RPL27: variants seen among roughly 807,000 people sequenced by gnomAD.
The protein encoded by RPL27 is large ribosomal subunit protein eL27.
For synonymous variants in RPL27, 77 were observed against 61.0 expected (o/e 1.26, Z -1.22); for missense variants, 131 against 174.3 (o/e 0.75, Z 1.40).
intron 3 of RPL27, among the ~76,000 whole-genome samples, chr17:43,001,575 G>A (rs1396731340): frequency 1.3e-5 from 2 of 151,052 alleles, no homozygotes; most frequent in African/African-American, 4.9e-5. Context: ...GAGCTGAGAT[G>A]GCACCACTGC....
Position 43,000,777 on chromosome 17 carries a change from G to A in RPL27, c.251+675G>A, listed in dbSNP as rs192285171. ...TGTTTTTTAAGAAGTACAAGAGGCC[G>A]GGCACAATGGCTCACGCCTGTAATC... On this transcript the variant is annotated intron_variant, in intron 3 of 4. Coordinates refer to ENST00000253788, the MANE Select transcript of RPL27 (RefSeq NM_000988.5). Among the ~76,000 whole-genome samples the A allele has an allele frequency of 4.6e-4, 70 of 150,784 alleles. No homozygotes were observed. The East Asian group carries it at 0.012, about 25-fold the overall frequency.
intron 3 of RPL27, among the ~76,000 whole-genome samples, chr17:43,000,604 ATT>A (rs545580676): frequency 7.0e-6 from 1 of 142,014 alleles, no homozygotes. Context: ...CACCTGGCTA[ATT>A]TTTTTTTTTT....
Position 43,002,886 on chromosome 17 carries a change from A to G in RPL27, c.377A>G (p.Lys126Arg), listed in dbSNP as rs762000722. The G allele has an allele frequency of 6.2e-7, 1 of 1,614,000 alleles. No homozygotes were observed. Among genetic ancestry groups the G allele is most frequent in the Non-Finnish European group, 8.5e-7 (1 of 1,179,854 alleles). ...TTCCCTTCTAGATACAAGACAGGCA[A>G]GAACAAGTGGTTCTTCCAGAAACTG... ...VKFEERYKTG[K>R]NKWFFQKLRF The change falls in exon 5 of 5, where the codon AAG becomes AGG. Residue 126 changes from lysine to arginine, a missense_variant. Physicochemically the swap from Lys to Arg is conservative, Grantham distance 26. Transcript: ENST00000253788.
At position 43,002,780 on chromosome 17, in the gene RPL27, A is replaced by G. The variant is rs762950023; in HGVS notation, c.359A>G (p.Glu120Gly). 2 of 1,610,982 alleles carry G rather than the reference A, an allele frequency of 1.2e-6. No individual in the cohort carries two copies. The highest frequency in any genetic ancestry group is 1.1e-5 in the South Asian group (1 of 91,014). The change falls in exon 4 of 5, where the codon GAG (glutamate) becomes GGG (glycine). Residue 120 changes from glutamate (E) to glycine (G), a missense_variant. Transcript: ENST00000253788. ...ARREAKVKFEERYKTGKNKWF... is the reference protein window; with the variant it reads ...ARREAKVKFEGRYKTGKNKWF... ...CGGGAGGCCAAGGTCAAGTTTGAAG[A>G]GAGGTAAGTAGGCTTTGGTAGTGAA...
intron 3 of RPL27, 136 bp downstream of exon 3, chr17:43,000,238 T>A: frequency 1.4e-6 from 1 of 701,226 alleles, no homozygotes; most frequent in Non-Finnish European, 2.4e-6. Context: ...AAAGTGGCTA[T>A]GGTTTCCAGT....
intron 3 of RPL27, among the ~76,000 whole-genome samples, chr17:43,001,964 G>A (rs563475058): frequency 3.3e-5 from 5 of 150,970 alleles, no homozygotes; most frequent in South Asian, 2.1e-4. Context: ...GGTGGCAGGC[G>A]CCTGTAGTAG....
rs562613944 is a variant in RPL27, at chr17:43,002,442, A to G, written c.252-231A>G. Among the ~76,000 whole-genome samples the G allele has an allele frequency of 2.1e-3, 326 of 152,080 alleles. 2 individuals carry two copies. Among genetic ancestry groups the G allele is most frequent in the Admixed American group, 3.1e-3 (47 of 15,264 alleles). ...GAATGGCGTGAACCCGGGAGGCGGA[A>G]CTTGCAATGAGCTGAGATCACACCA... On this transcript the variant is annotated intron_variant, in intron 3 of 4. Coordinates refer to ENST00000253788, the MANE Select transcript of RPL27 (RefSeq NM_000988.5).
chr17:42,999,767 T>C (rs1320367801), intron 2 of RPL27, 166 bp from the exon 3 acceptor site: 2 of 594,872 alleles, frequency 3.4e-6, no homozygotes, highest in Non-Finnish European at 6.0e-6. Context: ...TAAACACTGT[T>C]CTGTTTCTCT....
In RPL27 at chr17:43,000,091, A is replaced by G. The variant is rs2050343809; in HGVS notation, c.240A>G (p.Leu80=). The G allele has an allele frequency of 3.7e-6, 6 of 1,610,852 alleles. 1 individual carries two copies. In the South Asian group the frequency reaches 5.5e-5, roughly 15 times the overall value. Residue 80 remains leucine, a synonymous_variant, in exon 3 of 5, where the codon CTA becomes CTG. Transcript: ENST00000253788. The part of the protein sequence containing the change: ...SFVKVYNYNH[L]MPTRYSVDIP... The stretch of plus-strand genomic sequence containing the variant: ...TGAAAGTGTATAACTACAATCACCT[A>G]ATGCCCACAAGGTGAGCATTTCAAG...
At chr17:43,001,246 T>C (rs1162174938) in intron 3 of RPL27, among the ~76,000 whole-genome samples, 3 of 151,990 alleles carry the variant, frequency 2.0e-5, no homozygotes, top group East Asian at 1.9e-4. Context: ...GAGAAAGTCC[T>C]GAACAATAAT....
In RPL27 at chr17:43,002,768, T is replaced by A. The variant is rs777199664; in HGVS notation, c.347T>A (p.Val116Asp). The A allele has an allele frequency of 2.5e-6, 4 of 1,613,020 alleles. No homozygotes were observed. Among genetic ancestry groups the A allele is most frequent in the South Asian group, 1.1e-5 (1 of 91,048 alleles). ...CGCAAGGCCCGACGGGAGGCCAAGG[T>A]CAAGTTTGAAGAGAGGTAAGTAGGC... The part of the protein sequence containing the change: ...LKRKARREAK[V>D]KFEERYKTGK... The change falls in exon 4 of 5, where the codon GTC (valine) becomes GAC (aspartate). Residue 116 changes from valine to aspartate, a missense_variant. Transcript: ENST00000253788.
Position 43,002,793 on chromosome 17 carries a change from C to G in RPL27, c.362+10C>G, listed in dbSNP as rs1224144125. On this transcript the variant is annotated intron_variant, in intron 4 of 4. Transcript: ENST00000253788. ...TCAAGTTTGAAGAGAGGTAAGTAGG[C>G]TTTGGTAGTGAATGGTGGAGTATGG... 6.2e-7 allele frequency: 1 copy of G among 1,607,704 alleles called. No individual in the cohort carries two copies. The highest frequency in any genetic ancestry group is 8.5e-7 in the Non-Finnish European group (1 of 1,174,148).
At chr17:43,000,485 T>TG (rs547667286) in intron 3 of RPL27, among the ~76,000 whole-genome samples, 1 of 137,498 alleles carries the variant, frequency 7.3e-6, no homozygotes, top group East Asian at 2.1e-4. Flanking sequence ...TGTTTTGTTT[T>TG]GTTTTTTTTT....
At chr17:43,002,310 C>T (rs956372043) in intron 3 of RPL27, among the ~76,000 whole-genome samples, 2 of 151,038 alleles carry the variant, frequency 1.3e-5, no homozygotes, top group African/African-American at 2.5e-5. Context: ...TCAAGACCGT[C>T]CTGGCTAACA....
chr17:43,002,943 A>G lies in RPL27; in HGVS notation c.*23A>G. The G allele has an allele frequency of 6.3e-7, 1 of 1,581,746 alleles. No homozygotes were observed. Among genetic ancestry groups the G allele is most frequent in the Non-Finnish European group, 8.7e-7 (1 of 1,151,736 alleles). On this transcript the variant is annotated 3_prime_UTR_variant, in exon 5 of 5. Transcript: ENST00000253788. ...TAGATGCTTTGTTTTGATCATTAAA[A>G]ATTATAAAGAAAAAAAGCCTGTGTC...
At chr17:43,000,281 A>G (rs537214811) in intron 3 of RPL27, among the ~76,000 whole-genome samples, 179 bp downstream of exon 3, 2 of 152,252 alleles carry the variant, frequency 1.3e-5, no homozygotes, top group South Asian at 2.1e-4. Context: ...AGTGTTGGGT[A>G]AAGATTGTTT....
At chr17:43,000,734 G>A (rs1212511146) in intron 3 of RPL27, among the ~76,000 whole-genome samples, 3 of 144,892 alleles carry the variant, frequency 2.1e-5, no homozygotes, top group Non-Finnish European at 4.5e-5. Context: ...GTGAGCCACC[G>A]TGCCCGGCCA....
intron 3 of RPL27, among the ~76,000 whole-genome samples, chr17:43,000,313 C>T (rs1462057005): frequency 1.3e-5 from 2 of 152,158 alleles, no homozygotes; most frequent in Non-Finnish European, 2.9e-5. Context: ...TAAACACAGG[C>T]ATGGGGTCTG....
intron 3 of RPL27, among the ~76,000 whole-genome samples, chr17:43,000,731 A>C (rs2151965509): frequency 6.9e-6 from 1 of 145,376 alleles, no homozygotes. Context: ...GGCGTGAGCC[A>C]CCGTGCCCGG....
Sources: gnomAD v4.1 joint callset for allele counts (sites outside exome capture counted in the v4.1 genomes callset) on GRCh38, gnomAD v4.1.1 for gene constraint, MANE v1.5 for transcripts, NCBI Gene and HGNC (gene_info 2026-07-23, HGNC 2026-07-21) for gene names.